Variants in ZNF263 observed in about 807,000 individuals in gnomAD.
ZNF263 encodes the protein zinc finger protein 263, also known as zinc finger protein FPM315.
ZNF263 carries 49 observed loss-of-function variants against 63.1 expected under a neutral mutation model. The ratio of observed to expected loss-of-function variants is 0.78; its 90% CI spans 0.62 to 0.99. ZNF263 has a LOEUF of 0.99. ZNF263 is among the 50% of genes least tolerant of loss of function. The pLI is 0.00. For missense variants in ZNF263, 872 were observed against 854.8 expected, an observed-to-expected ratio of 1.02 and a Z score of -0.25; for synonymous variants, 352 against 324.2, an observed-to-expected ratio of 1.09 and a Z score of -0.92.
At chr16:3,298,793 A>G (rs1049735979) in intron 1 of ZNF263, 6 of 388,628 alleles carry the variant, frequency 1.5e-5, no homozygotes, top group African/African-American at 1.2e-4. Flanking sequence ...TGAATTTATG[A>G]AACACAAATT....
At chr16:3,295,145 A>ACGC (rs1465516447), downstream of ZNF263, among the ~76,000 whole-genome samples, 3 of 152,138 alleles carry the variant, frequency 2.0e-5, no homozygotes, top group African/African-American at 4.8e-5. Context: ...GGCAAAGCAG[A>ACGC]CGCCTCCTGC....
rs138080626 is a variant in ZNF263, at chr16:3,286,125, A to T, written c.745A>T (p.Ser249Cys). 492 of 1,599,976 alleles carry T rather than the reference A, an allele frequency of 3.1e-4. No homozygotes were observed. The highest frequency in any genetic ancestry group is 4.1e-4 in the Non-Finnish European group (478 of 1,176,164). The change falls in exon 4 of 6, where the codon AGT (serine) becomes TGT (cysteine). Residue 249 changes from serine to cysteine, a missense_variant. Physicochemically the swap from Ser to Cys is moderately radical, Grantham distance 112. Coordinates refer to ENST00000219069, the MANE Select transcript of ZNF263 (RefSeq NM_005741.5). ...CCTCTCCAGGGACACGGTGCAGGAG[A>T]GTTATGAGAATGTGGACTCACTGGG... is the stretch of plus-strand genomic sequence containing the variant. ...RALSRDTVQE[S>C]YENVDSLESH...
At position 3,291,405 on chromosome 16, in the gene ZNF263, T is replaced by C; in HGVS notation, c.*847T>C. The C allele has an allele frequency of 4.1e-6, 4 of 985,454 alleles. No individual in the cohort carries two copies. Among genetic ancestry groups the C allele is most frequent in the Non-Finnish European group, 4.8e-6 (4 of 829,934 alleles). The allele number at this position is 985,454 out of a possible 1,614,324, so 61.0% of individuals were successfully genotyped here. A position where few individuals can be genotyped will look rare whatever the true frequency, so the allele number is the denominator to read the frequency against. On this transcript the variant is annotated 3_prime_UTR_variant, in exon 6 of 6. Coordinates refer to ENST00000219069, the MANE Select transcript of ZNF263 (RefSeq NM_005741.5). ...AATCCTAGGGGGAAATTGGGGATTG[T>C]GTCTTTCCCTGTTGAAAATGTTTGG...
intron 2 of ZNF263, chr16:3,299,162 C>T (rs1396747598): frequency 1.9e-6 from 3 of 1,553,808 alleles, no homozygotes; most frequent in South Asian, 1.3e-5. Context: ...AGAAGGTAGT[C>T]CAAACTCTCT....
Position 3,283,695 on chromosome 16 carries a change from C to G in ZNF263, c.-124C>G, listed in dbSNP as rs1959233427. ...GCGCCTGGGCTGGAGCGGGGCTCCT[C>G]GGCCTGGACTGGGAGCCCCCGGCCC... On this transcript the variant is annotated 5_prime_UTR_variant, in exon 1 of 6. Coordinates refer to ENST00000219069, the MANE Select transcript of ZNF263 (RefSeq NM_005741.5). 7.4e-7 allele frequency: 1 copy of G among 1,351,736 alleles called. No individual in the cohort carries two copies. The highest frequency in any genetic ancestry group is 2.0e-5 in the South Asian group (1 of 50,736). 83.7% of individuals were successfully genotyped at this position (1,351,736 alleles called of 1,614,324 possible). A position where few individuals can be genotyped will look rare whatever the true frequency, so the allele number is the denominator to read the frequency against.
intron 4 of ZNF263, chr16:3,286,768 C>G (rs1959374946): frequency 6.6e-6 from 1 of 152,170 alleles, no homozygotes; most frequent in South Asian, 2.1e-4. Flanking sequence ...ATATGACAGA[C>G]TGACATATAG....
downstream of ZNF263, among the ~76,000 whole-genome samples, chr16:3,294,205 G>T (rs530241097): frequency 6.6e-6 from 1 of 152,346 alleles, no homozygotes; most frequent in South Asian, 2.1e-4. Context: ...GATTACAGGC[G>T]TGAGCCACCG....
intron 4 of ZNF263, among the ~76,000 whole-genome samples, chr16:3,287,376 A>G (rs1038395320): frequency 8.8e-5 from 13 of 147,644 alleles, no homozygotes; most frequent in Non-Finnish European, 1.3e-4. Flanking sequence ...AAAGTGCTGG[A>G]ATTACAGGTG....
In ZNF263 at chr16:3,285,221, C is replaced by G. The variant is rs1959301019; in HGVS notation, c.550C>G (p.Gln184Glu). 6.2e-7 allele frequency: 1 copy of G among 1,613,122 alleles called. No individual in the cohort carries two copies. Among genetic ancestry groups the G allele is most frequent in the East Asian group, 2.2e-5 (1 of 44,880 alleles). ...AGGCCCCAGCCCCCAAAGGGACCCCCAGGCTGTAAAGGAGAGGGGTGAGGC... is the reference window on the plus strand; with the variant it reads ...AGGCCCCAGCCCCCAAAGGGACCCCGAGGCTGTAAAGGAGAGGGGTGAGGC... Reference protein sequence around the residue: ...LLGPSPQRDPQAVKERALSAP... With the variant: ...LLGPSPQRDPEAVKERALSAP... Residue 184 changes from glutamine (Q) to glutamate (E), a missense_variant, in exon 2 of 6, where the codon CAG (glutamine) becomes GAG (glutamate). Physicochemically the swap from Gln to Glu is conservative, Grantham distance 29. Coordinates refer to ENST00000219069, the MANE Select transcript of ZNF263 (RefSeq NM_005741.5).
At position 3,290,809 on chromosome 16, in the gene ZNF263, C is replaced by T; in HGVS notation, c.*251C>T. The T allele has an allele frequency of 1.6e-6, 2 of 1,265,552 alleles. No homozygotes were observed. Among genetic ancestry groups the T allele is most frequent in the Non-Finnish European group, 2.0e-6 (2 of 1,003,412 alleles). 78.4% of individuals were successfully genotyped at this position (1,265,552 alleles called of 1,614,324 possible). On this transcript the variant is annotated 3_prime_UTR_variant, in exon 6 of 6. Transcript: ENST00000219069. ...GGAATTCTCTGTTAAGTCCACCCTGCCCCAGGGTGCTCCTACCCTCTTGGT... is the reference window on the plus strand; with the variant it reads ...GGAATTCTCTGTTAAGTCCACCCTGTCCCAGGGTGCTCCTACCCTCTTGGT...
intron 1 of ZNF263, among the ~76,000 whole-genome samples, chr16:3,298,668 A>T (rs980445099): frequency 6.6e-6 from 1 of 152,238 alleles, no homozygotes; most frequent in African/African-American, 2.4e-5. Flanking sequence ...TAGTCAGCAC[A>T]GTTTCTTTGT....
Position 3,289,530 on chromosome 16 carries a change from C to T in ZNF263, c.1024C>T (p.Gln342Ter), listed in dbSNP as rs369921094. 4.4e-6 allele frequency: 7 copies of T among 1,600,748 alleles called. No individual in the cohort carries two copies. Among genetic ancestry groups the T allele is most frequent in the Admixed American group, 1.7e-5 (1 of 58,984 alleles). The change falls in exon 6 of 6, where the codon CAA (glutamine) becomes TAA (stop). Residue 342 changes from glutamine to a stop codon, truncating the protein, a stop_gained. Transcript: ENST00000219069. LOFTEE classifies it high-confidence loss of function. ...GCTGGGAAGACCTCATGACCGGTCG[C>T]AAGGGGATTGGGCGCCTCCCCCAGA... ...PELGRPHDRS[Q>*]GDWAPPPEGG...
intron 4 of ZNF263, among the ~76,000 whole-genome samples, chr16:3,287,952 T>TA (rs1413984696): frequency 5.3e-5 from 8 of 150,608 alleles, no homozygotes; most frequent in African/African-American, 9.9e-5. Flanking sequence ...CCATGAATAT[T>TA]TAAAAAAAAA....
chr16:3,300,604 C>T, intron 2 of ZNF263: 1 of 1,568,914 alleles, frequency 6.4e-7, no homozygotes, highest in Non-Finnish European at 8.6e-7. Context: ...ATATTTCCCT[C>T]TCTTATTCAT....
chr16:3,283,671 C>T lies in ZNF263; in HGVS notation c.-148C>T. 1 of 1,281,996 alleles carries T rather than the reference C, an allele frequency of 7.8e-7. No individual in the cohort carries two copies. Among genetic ancestry groups the T allele is most frequent in the East Asian group, 3.1e-5 (1 of 32,786 alleles). The allele number at this position is 1,281,996 out of a possible 1,614,324, so 79.4% of individuals were successfully genotyped here. A position where few individuals can be genotyped will look rare whatever the true frequency, so the allele number is the denominator to read the frequency against. The stretch of plus-strand genomic sequence containing the variant: ...GAGGCCTAGGCGCCGGAGCCGGCCG[C>T]GCCTGGGCTGGAGCGGGGCTCCTCG... On this transcript the variant is annotated 5_prime_UTR_variant, in exon 1 of 6. Transcript: ENST00000219069.
At position 3,286,098 on chromosome 16, in the gene ZNF263, G is replaced by T; in HGVS notation, c.718G>T (p.Ala240Ser). 1 of 1,611,428 alleles carries T rather than the reference G, an allele frequency of 6.2e-7. No homozygotes were observed. The highest frequency in any genetic ancestry group is 8.5e-7 in the Non-Finnish European group (1 of 1,179,176). ...EWGHQDPSKR[A>S]LSRDTVQESY... ...GGGGCATCAGGATCCTAGTAAGAGG[G>T]CCCTCTCCAGGGACACGGTGCAGGA... is the stretch of plus-strand genomic sequence containing the variant. The change falls in exon 4 of 6, where the codon GCC (alanine) becomes TCC (serine). Residue 240 changes from alanine to serine, a missense_variant. Coordinates refer to ENST00000219069, the MANE Select transcript of ZNF263 (RefSeq NM_005741.5).
downstream of ZNF263, among the ~76,000 whole-genome samples, chr16:3,293,830 A>G (rs1179078727): frequency 6.6e-6 from 1 of 152,278 alleles, no homozygotes; most frequent in Non-Finnish European, 1.5e-5. Context: ...AGAAAAATCC[A>G]TCAGAAGTCA....
chr16:3,297,453 A>ATT (rs1567257124), intron 1 of ZNF263, among the ~76,000 whole-genome samples: 4 of 124,956 alleles, frequency 3.2e-5, no homozygotes, highest in Non-Finnish European at 3.3e-5. Context: ...TCAGAAACAG[A>ATT]TTCTTTTTTT....
At chr16:3,299,706 G>A in intron 2 of ZNF263, 8 of 1,536,928 alleles carry the variant, frequency 5.2e-6, no homozygotes, top group Non-Finnish European at 6.1e-6. Flanking sequence ...GGGATTCAGA[G>A]GAAGGATGAG....
Sources: gnomAD v4.1 joint callset for allele counts (sites outside exome capture counted in the v4.1 genomes callset) on GRCh38, gnomAD v4.1.1 for gene constraint, MANE v1.5 for transcripts, NCBI Gene and HGNC (gene_info 2026-07-23, HGNC 2026-07-21) for gene names.